CDC42BPA: variants seen among roughly 807,000 people sequenced by gnomAD.
CDC42BPA encodes CDC42 binding protein kinase alpha, also known as serine/threonine-protein kinase MRCK alpha.
In CDC42BPA, 80 loss-of-function variants were observed where a neutral mutation model predicts 223.5. The ratio of observed to expected loss-of-function variants is 0.36; its 90% CI spans 0.30 to 0.43. CDC42BPA has a LOEUF of 0.43. Ranked by LOEUF, CDC42BPA falls within the 20% of genes least tolerant of loss-of-function variation. The pLI is 1.00. For missense variants in CDC42BPA, 1,743 were observed against 2,099.9 expected, an observed-to-expected ratio of 0.83 and a Z score of 3.32; for synonymous variants, 694 against 718.6, an observed-to-expected ratio of 0.97 and a Z score of 0.55.
chr1:227,041,855 T>G (rs1259892101), intron 23 of CDC42BPA, among the ~76,000 whole-genome samples: 1 of 152,138 alleles, frequency 6.6e-6, no homozygotes, highest in East Asian at 1.9e-4. Flanking sequence ...AGCTTCTGAG[T>G]CCCAGTCAGG....
In CDC42BPA at chr1:227,033,323, T is replaced by C; in HGVS notation, c.3558+11A>G. On this transcript the variant is annotated intron_variant, in intron 27 of 36. Transcript: ENST00000366766. ...ATAATTCAGTGATCAAATTACAGCA[T>C]ACACACTTACCCTAAATATACAGGG... 1.3e-6 allele frequency: 2 copies of C among 1,567,184 alleles called. No individual in the cohort carries two copies. The highest frequency in any genetic ancestry group is 2.2e-5 in the South Asian group (2 of 90,134).
chr1:227,052,061 T>A, intron 21 of CDC42BPA, 76 bp from the exon 22 acceptor site: 1 of 750,106 alleles, frequency 1.3e-6, no homozygotes, highest in Non-Finnish European at 2.1e-6. Flanking sequence ...CAAATTTCTG[T>A]AAGGCATGAT....
At position 227,091,986 on chromosome 1, in the gene CDC42BPA, C is replaced by T; in HGVS notation, c.2255G>A (p.Ser752Asn). Residue 752 changes from serine to asparagine, a missense_variant, in exon 16 of 37, where the codon AGT (serine) becomes AAT (asparagine). Around this residue, in one of 6 missense-constraint regions of CDC42BPA, gnomAD observed 464 missense variants for 488.0 expected, o/e 0.95. Transcript: ENST00000366766. ...CTCACTTTCAAATTCCTCCCTTTCA[C>T]TTTGACTAACACAATTCAAAACACA... ...KLEKTRRESQ[S>N]EREEFESEFK... 3 of 1,569,584 alleles carry T rather than the reference C, an allele frequency of 1.9e-6. No individual in the cohort carries two copies. Among genetic ancestry groups the T allele is most frequent in the South Asian group, 1.1e-5 (1 of 87,668 alleles).
chr1:227,061,351 C>T (rs541053944), intron 21 of CDC42BPA, among the ~76,000 whole-genome samples: 114 of 152,172 alleles, frequency 7.5e-4, no homozygotes, highest in African/African-American at 2.6e-3. Flanking sequence ...GATCGTTTTC[C>T]AAAGTGCTTT....
intron 1 of CDC42BPA, among the ~76,000 whole-genome samples, chr1:227,287,200 T>C (rs1445948971): frequency 6.6e-6 from 1 of 152,164 alleles, no homozygotes; most frequent in Non-Finnish European, 1.5e-5. Flanking sequence ...TAGGATGGTC[T>C]CTCTCCAATG....
intron 1 of CDC42BPA, among the ~76,000 whole-genome samples, chr1:227,258,600 G>T (rs1458474746): frequency 6.6e-6 from 1 of 150,828 alleles, no homozygotes; most frequent in Non-Finnish European, 1.5e-5. Context: ...TTTAAAAGAT[G>T]CCTTAACAAG....
At chr1:227,232,799 T>G (rs933066375) in intron 2 of CDC42BPA, among the ~76,000 whole-genome samples, 1 of 152,224 alleles carries the variant, frequency 6.6e-6, no homozygotes, top group Non-Finnish European at 1.5e-5. Flanking sequence ...GAAACCCGGC[T>G]GTATGAGGTG....
At chr1:227,169,581 C>G (rs1665735357) in intron 5 of CDC42BPA, among the ~76,000 whole-genome samples, 1 of 152,070 alleles carries the variant, frequency 6.6e-6, no homozygotes, top group South Asian at 2.1e-4. Context: ...CATAGTTTCC[C>G]CAAATTCAGC....
intron 21 of CDC42BPA, chr1:227,069,270 A>G (rs1426037056): frequency 6.6e-6 from 1 of 152,104 alleles, no homozygotes; most frequent in Non-Finnish European, 1.5e-5. Context: ...ACGAATGATC[A>G]AGAGTTACAT....
At chr1:227,308,509 CA>C (rs34849679) in intron 1 of CDC42BPA, among the ~76,000 whole-genome samples, 24,658 of 89,220 alleles carry the variant, frequency 0.28, 1,559 homozygotes, top group South Asian at 0.3. Context: ...GACTGTATCT[CA>C]AAAAAAAAAA....
At chr1:227,121,272 TG>T (rs1445435821) in intron 11 of CDC42BPA, among the ~76,000 whole-genome samples, 2 of 152,220 alleles carry the variant, frequency 1.3e-5, no homozygotes, top group Non-Finnish European at 2.9e-5. Flanking sequence ...CATTAATGTG[TG>T]GGAACCAGTG....
intron 6 of CDC42BPA, among the ~76,000 whole-genome samples, chr1:227,152,666 T>C (rs1223582123): frequency 6.6e-6 from 1 of 151,962 alleles, no homozygotes; most frequent in Non-Finnish European, 1.5e-5. Flanking sequence ...AAACCAATAA[T>C]AAACTGCACG....
Position 227,318,091 on chromosome 1 carries a change from A to G in CDC42BPA, c.-909T>C. On this transcript the variant is annotated 5_prime_UTR_variant, in exon 1 of 37. Transcript: ENST00000366766. ...AGCCGCGCCGCGCCGCGCCGGGCAG[A>G]GAGCCCGGTCTCCCCGACACCCGCA... 9.2e-6 allele frequency: 2 copies of G among 216,866 alleles called. No individual in the cohort carries two copies. Among genetic ancestry groups the G allele is most frequent in the Non-Finnish European group, 1.7e-5 (2 of 120,596 alleles). 13.4% of individuals were successfully genotyped at this position (216,866 alleles called of 1,614,324 possible).
At chr1:227,217,999 G>C (rs1420797740) in intron 2 of CDC42BPA, among the ~76,000 whole-genome samples, 1 of 152,130 alleles carries the variant, frequency 6.6e-6, no homozygotes, top group Admixed American at 6.6e-5. Context: ...AATGAGGGCA[G>C]GGATTTTTTT....
intron 4 of CDC42BPA, among the ~76,000 whole-genome samples, chr1:227,198,284 T>TAAC (rs1671081785): frequency 1.3e-5 from 2 of 151,650 alleles, no homozygotes; most frequent in African/African-American, 4.8e-5. Flanking sequence ...GACCCCATCT[T>TAAC]AACAACAACA....
At chr1:227,059,613 T>C (rs182837729) in intron 21 of CDC42BPA, among the ~76,000 whole-genome samples, 20 of 152,332 alleles carry the variant, frequency 1.3e-4, no homozygotes, top group East Asian at 3.9e-4. Context: ...ACGTCTAAGG[T>C]TGACAAACTT....
At chr1:227,117,321 A>AT (rs969271976) in intron 12 of CDC42BPA, among the ~76,000 whole-genome samples, 6 of 151,968 alleles carry the variant, frequency 3.9e-5, no homozygotes, top group African/African-American at 7.2e-5. Flanking sequence ...AATTCAGTGC[A>AT]TTTTTTTCCC....
intron 1 of CDC42BPA, among the ~76,000 whole-genome samples, chr1:227,288,824 G>A (rs781477954): frequency 8.6e-5 from 13 of 151,360 alleles, no homozygotes; most frequent in African/African-American, 1.5e-4. Context: ...GTGAAACCCC[G>A]TCTCTACTAA....
intron 21 of CDC42BPA, among the ~76,000 whole-genome samples, chr1:227,057,620 T>A (rs768392351): frequency 6.6e-6 from 1 of 152,152 alleles, no homozygotes; most frequent in Non-Finnish European, 1.5e-5. Context: ...AGTGGCTGAC[T>A]TTTTTTGTGA....
Sources: gnomAD v4.1 joint callset for allele counts (sites outside exome capture counted in the v4.1 genomes callset) on GRCh38, gnomAD v4.1.1 for gene constraint, gnomAD v4.1.1 regional missense constraint, MANE v1.5 for transcripts, NCBI Gene and HGNC (gene_info 2026-07-23, HGNC 2026-07-21) for gene names.